The following ADAMTS19 variants were observed in gnomAD, a reference collection of about 807,000 sequenced individuals.
The protein encoded by ADAMTS19 is A disintegrin and metalloproteinase with thrombospondin motifs 19.
In ADAMTS19, 93 loss-of-function variants were observed where a neutral mutation model predicts 153.3. That is an observed-to-expected ratio of 0.61 (90% CI 0.51 to 0.72). The LOEUF (loss-of-function observed/expected upper bound fraction) is 0.72, where lower values mean the gene tolerates loss of function less well. Among genes scored for constraint, ADAMTS19 ranks in the 30% least tolerant of loss-of-function variants. ADAMTS19 has a pLI of 0.00. For missense variants in ADAMTS19, 1,482 were observed against 1,552.1 expected (o/e 0.95, Z 0.76); for synonymous variants, 600 against 556.6 (o/e 1.08, Z -1.10).
In ADAMTS19 at chr5:129,654,300, A is replaced by G. The variant is rs1753446125; in HGVS notation, c.2177-6A>G. 2 of 1,603,090 alleles carry G rather than the reference A, an allele frequency of 1.2e-6. No homozygotes were observed. Among genetic ancestry groups the G allele is most frequent in the South Asian group, 1.1e-5 (1 of 88,608 alleles). On this transcript the variant is annotated splice_region_variant and splice_polypyrimidine_tract_variant and intron_variant, in intron 13 of 22. Transcript: ENST00000274487. ...TCTCATTTCTTTTTATCTACTCTGT[A>G]TGTAGAAAAACCATGTGCCTTGTTT... is the stretch of plus-strand genomic sequence containing the variant.
intron 7 of ADAMTS19, among the ~76,000 whole-genome samples, chr5:129,576,239 C>T (rs1232969797): frequency 6.6e-6 from 1 of 152,030 alleles, no homozygotes; most frequent in Non-Finnish European, 1.5e-5. Flanking sequence ...GTGATTGAAT[C>T]TCCTTTCTTT....
At chr5:129,589,565 A>G (rs1186213209) in intron 7 of ADAMTS19, among the ~76,000 whole-genome samples, 1 of 152,186 alleles carries the variant, frequency 6.6e-6, no homozygotes, top group African/African-American at 2.4e-5. Context: ...TATTACACCA[A>G]TAATTGTATA....
intron 2 of ADAMTS19, among the ~76,000 whole-genome samples, chr5:129,469,028 C>T (rs2126646857): frequency 6.6e-6 from 1 of 152,202 alleles, no homozygotes; most frequent in Non-Finnish European, 1.5e-5. Flanking sequence ...CTGCCCACCT[C>T]AGATTCCTAA....
At chr5:129,580,312 T>A (rs1210216577) in intron 7 of ADAMTS19, among the ~76,000 whole-genome samples, 2 of 152,196 alleles carry the variant, frequency 1.3e-5, no homozygotes, top group Non-Finnish European at 2.9e-5. Context: ...CTGAAGCTGC[T>A]TATTACCTTA....
At chr5:129,460,624 G>A in intron 1 of ADAMTS19, 142 bp downstream of exon 1, 1 of 858,856 alleles carries the variant, frequency 1.2e-6, no homozygotes, top group Admixed American at 2.1e-5. Context: ...TGAGGTGCAG[G>A]TTAAGGGGTC....
chr5:129,678,150 G>A (rs30648), intron 16 of ADAMTS19, among the ~76,000 whole-genome samples: 2,993 of 152,050 alleles, frequency 0.02, 45 homozygotes, highest in Non-Finnish European at 0.029. Context: ...ATACTAACAA[G>A]GCCTCTCTGG....
At chr5:129,574,482 C>A (rs1754030548) in intron 7 of ADAMTS19, among the ~76,000 whole-genome samples, 1 of 151,886 alleles carries the variant, frequency 6.6e-6, no homozygotes, top group Non-Finnish European at 1.5e-5. Flanking sequence ...TCAATGTGTT[C>A]TCATTGTTCA....
At chr5:129,632,678 ACTTTTT>A (rs1752354040) in intron 10 of ADAMTS19, among the ~76,000 whole-genome samples, 2 of 151,888 alleles carry the variant, frequency 1.3e-5, no homozygotes, top group African/African-American at 2.4e-5. Context: ...TTATAGGTTG[ACTTTTT>A]CTTTTTCTTT....
At chr5:129,676,327 T>C (rs1754550928) in intron 16 of ADAMTS19, among the ~76,000 whole-genome samples, 1 of 152,230 alleles carries the variant, frequency 6.6e-6, no homozygotes, top group African/African-American at 2.4e-5. Flanking sequence ...TTTGTCAGTA[T>C]GCAACTAAAG....
intron 2 of ADAMTS19, among the ~76,000 whole-genome samples, chr5:129,506,439 T>A: frequency 7.8e-6 from 1 of 128,254 alleles, no homozygotes; most frequent in African/African-American, 3.8e-5. Flanking sequence ...GCTTTCTTGT[T>A]TTTTTTTTAT....
At chr5:129,665,758 G>A (rs562637742) in intron 16 of ADAMTS19, among the ~76,000 whole-genome samples, 179 bp downstream of exon 16, 39 of 152,054 alleles carry the variant, frequency 2.6e-4, no homozygotes, top group African/African-American at 9.4e-4. Flanking sequence ...CTTCCCAGGA[G>A]CAAAAGCAAT....
chr5:129,521,342 T>C (rs1482111699), intron 3 of ADAMTS19, among the ~76,000 whole-genome samples: 2 of 152,138 alleles, frequency 1.3e-5, no homozygotes, highest in African/African-American at 4.8e-5. Context: ...AGAGATCAAA[T>C]AAATATGAAG....
At chr5:129,480,839 C>T (rs566241824) in intron 2 of ADAMTS19, among the ~76,000 whole-genome samples, 1 of 151,974 alleles carries the variant, frequency 6.6e-6, no homozygotes, top group South Asian at 2.1e-4. Context: ...AGCTAAACAC[C>T]AAAAATTACA....
chr5:129,573,697 TTTATA>T (rs1753993280), intron 7 of ADAMTS19, among the ~76,000 whole-genome samples: 1 of 152,124 alleles, frequency 6.6e-6, no homozygotes, highest in African/African-American at 2.4e-5. Flanking sequence ...AATTGGACAC[TTTATA>T]TTTCTATTTT....
intron 17 of ADAMTS19, among the ~76,000 whole-genome samples, chr5:129,683,848 C>T (rs1754940865): frequency 6.7e-6 from 1 of 149,082 alleles, no homozygotes; most frequent in African/African-American, 2.5e-5. Flanking sequence ...GTATGTCTGA[C>T]CTCACTCAAA....
At chr5:129,560,479 T>C (rs1440832208) in intron 7 of ADAMTS19, among the ~76,000 whole-genome samples, 1 of 152,222 alleles carries the variant, frequency 6.6e-6, no homozygotes, top group Non-Finnish European at 1.5e-5. Flanking sequence ...ATTTTGGATC[T>C]GAGATTGGCA....
chr5:129,692,291 A>G (rs1755371507), intron 18 of ADAMTS19, among the ~76,000 whole-genome samples: 1 of 151,950 alleles, frequency 6.6e-6, no homozygotes, highest in African/African-American at 2.4e-5. Context: ...CTGTCCCAAA[A>G]TTTTACATTT....
rs1452099159 is a variant in ADAMTS19 at position 129,461,839 on chromosome 5, C to G, written c.747+82C>G. The G allele has an allele frequency of 6.9e-7, 1 of 1,439,620 alleles. No homozygotes were observed. Among genetic ancestry groups the G allele is most frequent in the East Asian group, 2.7e-5 (1 of 37,380 alleles). The allele number at this position is 1,439,620 out of a possible 1,614,324, so 89.2% of individuals were successfully genotyped here. ...ATAGGTCAGGATGATTTGCATGCACCTTCTCCCCTTTCAGTGTGCTCCTTT... is the reference window on the plus strand; with the variant it reads ...ATAGGTCAGGATGATTTGCATGCACGTTCTCCCCTTTCAGTGTGCTCCTTT... On this transcript the variant is annotated intron_variant, in intron 2 of 22. Coordinates refer to ENST00000274487, the MANE Select transcript of ADAMTS19 (RefSeq NM_133638.6). The surrounding 1 kb of genome is among the most constrained non-coding windows in gnomAD (Gnocchi z 4.6).
intron 10 of ADAMTS19, among the ~76,000 whole-genome samples, chr5:129,640,500 A>G (rs1752743236): frequency 6.6e-6 from 1 of 152,122 alleles, no homozygotes; most frequent in African/African-American, 2.4e-5. Context: ...TCTATTTTGA[A>G]CACCAACACC....
Sources: gnomAD v4.1 joint callset for allele counts (sites outside exome capture counted in the v4.1 genomes callset) on GRCh38, gnomAD v4.1.1 for gene constraint, Gnocchi (gnomAD v3.1) non-coding constraint, MANE v1.5 for transcripts, NCBI Gene and HGNC (gene_info 2026-07-23, HGNC 2026-07-21) for gene names.